Variants in FHIT observed in about 807,000 individuals in gnomAD.
FHIT encodes the protein bis(5'-adenosyl)-triphosphatase.
FHIT carries 19 observed loss-of-function variants against 17.9 expected under a neutral mutation model. The ratio of observed to expected loss-of-function variants is 1.06; its 90% CI spans 0.74 to 1.56. The LOEUF is 1.56. Ranked by LOEUF, FHIT falls within the 40% of genes most tolerant of loss-of-function variation. The pLI, the probability that FHIT is intolerant of heterozygous loss-of-function variation, is 0.00. For missense variants in FHIT, 248 were observed against 189.2 expected, an observed-to-expected ratio of 1.31 and a Z score of -1.82; for synonymous variants, 81 against 69.7, an observed-to-expected ratio of 1.16 and a Z score of -0.81.
intron 4 of FHIT, among the ~76,000 whole-genome samples, chr3:60,659,396 A>C (rs2040189342): frequency 6.6e-6 from 1 of 151,998 alleles, no homozygotes; most frequent in Admixed American, 6.6e-5. Context: ...TAAGCTTCTG[A>C]ACTCTCACAA....
At chr3:60,415,124 A>C (rs2107239849) in intron 5 of FHIT, among the ~76,000 whole-genome samples, 1 of 152,294 alleles carries the variant, frequency 6.6e-6, no homozygotes, top group South Asian at 2.1e-4. Context: ...AGAAATACCT[A>C]GTTAAGGCAT....
chr3:60,561,304 A>G (rs1284379676), intron 4 of FHIT, among the ~76,000 whole-genome samples: 1 of 152,156 alleles, frequency 6.6e-6, no homozygotes, highest in East Asian at 1.9e-4. Flanking sequence ...GCTCTTAGAC[A>G]GCTATTCTTC....
intron 5 of FHIT, among the ~76,000 whole-genome samples, chr3:60,175,478 A>G (rs1701627660): frequency 6.6e-6 from 1 of 152,160 alleles, no homozygotes; most frequent in Non-Finnish European, 1.5e-5. Flanking sequence ...AAGACAAAAG[A>G]TATAGGGTAG....
intron 4 of FHIT, among the ~76,000 whole-genome samples, chr3:60,817,028 G>A (rs1429694420): frequency 6.6e-6 from 1 of 151,042 alleles, no homozygotes; most frequent in African/African-American, 2.4e-5. Context: ...TTTTATCTTT[G>A]GATTTTCAGT....
At chr3:60,097,815 T>C (rs1395788941) in intron 5 of FHIT, among the ~76,000 whole-genome samples, 3 of 149,914 alleles carry the variant, frequency 2.0e-5, no homozygotes, top group Non-Finnish European at 4.4e-5. Context: ...CTGCACCCAT[T>C]AACTCATCAT....
At chr3:60,232,838 A>G (rs769269640) in intron 5 of FHIT, among the ~76,000 whole-genome samples, 9 of 152,198 alleles carry the variant, frequency 5.9e-5, no homozygotes, top group Non-Finnish European at 1.2e-4. Flanking sequence ...AAAGCTGCAA[A>G]TGTAGTAATA....
At chr3:60,128,595 C>G (rs1289825121) in intron 5 of FHIT, among the ~76,000 whole-genome samples, 1 of 152,204 alleles carries the variant, frequency 6.6e-6, no homozygotes, top group African/African-American at 2.4e-5. Context: ...TTACAGCAAA[C>G]AATACCCACC....
chr3:60,382,470 G>A (rs1700842256), intron 5 of FHIT, among the ~76,000 whole-genome samples: 1 of 152,188 alleles, frequency 6.6e-6, no homozygotes, highest in Admixed American at 6.5e-5. Flanking sequence ...GGTCTAATCT[G>A]AGACAATTCA....
At chr3:60,556,680 A>C (rs2036750391) in intron 4 of FHIT, among the ~76,000 whole-genome samples, 4 of 152,246 alleles carry the variant, frequency 2.6e-5, no homozygotes, top group Non-Finnish European at 5.9e-5. Context: ...ACGGTTAGGC[A>C]AAATGAGGGC....
At chr3:60,079,376 G>T (rs1279544183) in intron 5 of FHIT, among the ~76,000 whole-genome samples, 1 of 152,072 alleles carries the variant, frequency 6.6e-6, no homozygotes, top group Non-Finnish European at 1.5e-5. Context: ...AGAGTGGGAG[G>T]ATGAAAGCAA....
intron 5 of FHIT, among the ~76,000 whole-genome samples, chr3:60,086,690 AT>A (rs1703507853): frequency 1.3e-5 from 2 of 152,218 alleles, no homozygotes; most frequent in Non-Finnish European, 1.5e-5. Flanking sequence ...AAGCTACAAA[AT>A]AATCTTCTTT....
At chr3:60,440,593 T>A (rs1365667388) in intron 5 of FHIT, among the ~76,000 whole-genome samples, 1 of 152,100 alleles carries the variant, frequency 6.6e-6, no homozygotes, top group South Asian at 2.1e-4. Context: ...CGTTAAAAAC[T>A]TGCCCAAAGT....
At chr3:60,816,112 G>A (rs1391939659) in intron 4 of FHIT, among the ~76,000 whole-genome samples, 3 of 151,990 alleles carry the variant, frequency 2.0e-5, no homozygotes, top group Admixed American at 1.3e-4. Context: ...CTTTACTGAA[G>A]TTGTTTCTGA....
At chr3:60,538,739 T>C (rs982512091) in intron 4 of FHIT, among the ~76,000 whole-genome samples, 1 of 152,208 alleles carries the variant, frequency 6.6e-6, no homozygotes, top group African/African-American at 2.4e-5. Context: ...GCTAGCCCTA[T>C]GTAGAAAGCA....
At chr3:60,769,523 C>A (rs928641459) in intron 4 of FHIT, among the ~76,000 whole-genome samples, 5 of 152,154 alleles carry the variant, frequency 3.3e-5, no homozygotes, top group African/African-American at 1.2e-4. Flanking sequence ...TTTAATTGAG[C>A]AATGAATGAT....
intron 5 of FHIT, among the ~76,000 whole-genome samples, chr3:60,082,725 A>T (rs1192161780): frequency 1.3e-5 from 2 of 152,124 alleles, no homozygotes; most frequent in Non-Finnish European, 2.9e-5. Flanking sequence ...TCTGATGATT[A>T]GTGAGGTTGA....
chr3:59,961,540 T>C (rs922891493), intron 7 of FHIT, among the ~76,000 whole-genome samples: 4 of 152,108 alleles, frequency 2.6e-5, no homozygotes, highest in Non-Finnish European at 4.4e-5. Flanking sequence ...ACCCCACTGG[T>C]GTAGGCATCT....
At chr3:60,380,501 T>G (rs752046222) in intron 5 of FHIT, among the ~76,000 whole-genome samples, 5 of 152,128 alleles carry the variant, frequency 3.3e-5, no homozygotes, top group Non-Finnish European at 5.9e-5. Flanking sequence ...ACACAGTCAG[T>G]GTCGTTATTT....
rs1189100387 is a variant in FHIT, at chr3:60,226,472, CAAAAAAAA to C, written c.104-212328_104-212321del. On this transcript the variant is annotated intron_variant, in intron 5 of 9. Transcript: ENST00000492590. Reference sequence around the variant, plus strand: ...GGGCAACAAGAGTGAAACTCCGTCTCAAAAAAAAAAAAAAAAAAAAAACACTGCCTGCC... The same window carrying C: ...GGGCAACAAGAGTGAAACTCCGTCTCAAAAAAAAAAAAAACACTGCCTGCC... 8.6e-5 allele frequency among the ~76,000 whole-genome samples: 6 copies of C among 70,148 alleles called. No individual in the cohort carries two copies. In the East Asian group the frequency reaches 2.1e-3, roughly 24 times the overall value. 46.0% of individuals were successfully genotyped at this position (70,148 alleles called of 152,430 possible).
Sources: allele counts gnomAD v4.1 joint callset (sites outside exome capture counted in the v4.1 genomes callset), GRCh38; gene constraint gnomAD v4.1.1; transcripts MANE v1.5; gene names NCBI Gene and HGNC (gene_info 2026-07-23, HGNC 2026-07-21).